The following FGD6 variants were observed in gnomAD, a reference collection of about 807,000 sequenced individuals.
The protein encoded by FGD6 is FYVE, RhoGEF and PH domain-containing protein 6.
A neutral mutation model predicts 149.4 loss-of-function variants in FGD6; 90 were observed. The ratio of observed to expected loss-of-function variants is 0.60; its 90% CI spans 0.51 to 0.72. The LOEUF (loss-of-function observed/expected upper bound fraction) is 0.72. FGD6 is among the 30% of genes least tolerant of loss of function. The pLI is 0.00. For synonymous variants in FGD6, 527 were observed against 584.0 expected (o/e 0.90, Z 1.41); for missense variants, 1,437 against 1,684.8 (o/e 0.85, Z 2.57).
At chr12:95,091,973 T>C (rs1878070146) in intron 16 of FGD6, among the ~76,000 whole-genome samples, 164 bp from the exon 17 acceptor site, 1 of 152,190 alleles carries the variant, frequency 6.6e-6, no homozygotes, top group Non-Finnish European at 1.5e-5. Flanking sequence ...AGGCATATAG[T>C]GAACTAATGC....
chr12:95,195,358 G>A (rs1881709966), intron 2 of FGD6, among the ~76,000 whole-genome samples: 1 of 152,044 alleles, frequency 6.6e-6, no homozygotes, highest in South Asian at 2.1e-4. Context: ...ACTTCACCAG[G>A]TTCTATAACA....
intron 8 of FGD6, among the ~76,000 whole-genome samples, chr12:95,121,481 G>GTGTGTATATATA (rs1491167311): frequency 8.2e-6 from 1 of 121,910 alleles, no homozygotes; most frequent in African/African-American, 3.4e-5. Context: ...ATATATATAT[G>GTGTGTATATATA]TATATATATA....
chr12:95,085,832 T>C lies in FGD6; in HGVS notation c.4055A>G (p.His1352Arg). 3.6e-5 allele frequency: 58 copies of C among 1,613,954 alleles called. No homozygotes were observed. The highest frequency in any genetic ancestry group is 4.8e-5 in the Non-Finnish European group (57 of 1,179,942). The change falls in exon 19 of 21, where the codon CAC becomes CGC. Residue 1352 changes from histidine to arginine, a missense_variant. His to Arg is a conservative substitution (Grantham distance 29). Transcript: ENST00000343958. ...TTTATTTTTTATGACAAACCAAAAGTGTTTCCAGGGTTTTTTATTGCCCTT... is the reference window on the plus strand; with the variant it reads ...TTTATTTTTTATGACAAACCAAAAGCGTTTCCAGGGTTTTTTATTGCCCTT... ...RSKGNKKPWK[H>R]FWFVIKNKVL... is the part of the protein sequence containing the mutation.
intron 2 of FGD6, among the ~76,000 whole-genome samples, chr12:95,203,501 T>C (rs1023591183): frequency 6.6e-6 from 1 of 152,204 alleles, no homozygotes; most frequent in Non-Finnish European, 1.5e-5. Context: ...TTGGTTCAAG[T>C]GTTGCCATGT....
chr12:95,134,046 A>G (rs1879597345), intron 8 of FGD6, among the ~76,000 whole-genome samples: 1 of 152,192 alleles, frequency 6.6e-6, no homozygotes, highest in Non-Finnish European at 1.5e-5. Flanking sequence ...GACTATTATC[A>G]TAAGGAAATA....
intron 6 of FGD6, among the ~76,000 whole-genome samples, chr12:95,139,439 CA>C (rs527269984): frequency 7.3e-4 from 85 of 116,642 alleles, no homozygotes; most frequent in Middle Eastern, 5.2e-3. Flanking sequence ...AAATCTGTCT[CA>C]AAAAAAAAAA....
intron 2 of FGD6, among the ~76,000 whole-genome samples, chr12:95,186,225 CTTCTTTTTTTTTTT>C (rs568004214): frequency 0.41 from 28,955 of 71,096 alleles, 9,184 homozygotes; most frequent in Middle Eastern, 0.58. Context: ...TTATATTCTT[CTTCTTTTTTTTTTT>C]TTTTTTTTTT....
At chr12:95,188,388 T>G (rs999387402) in intron 2 of FGD6, among the ~76,000 whole-genome samples, 4 of 151,926 alleles carry the variant, frequency 2.6e-5, no homozygotes, top group African/African-American at 9.7e-5. Flanking sequence ...CATCCGTGTG[T>G]GTGTGTGTGT....
chr12:95,169,874 A>C (rs1880939354), intron 3 of FGD6, among the ~76,000 whole-genome samples: 1 of 152,150 alleles, frequency 6.6e-6, no homozygotes. Context: ...TAATCCCAGC[A>C]CTTTGGGAGG....
intron 14 of FGD6, among the ~76,000 whole-genome samples, chr12:95,097,580 G>A (rs750120846): frequency 1.5e-4 from 22 of 143,060 alleles, no homozygotes; most frequent in Non-Finnish European, 2.9e-4. Flanking sequence ...TGGTTGCAGT[G>A]AGCTGAGATT....
intron 14 of FGD6, among the ~76,000 whole-genome samples, chr12:95,101,520 A>T (rs1878431003): frequency 6.6e-6 from 1 of 152,120 alleles, no homozygotes; most frequent in African/African-American, 2.4e-5. Flanking sequence ...GTTTTTCACC[A>T]AGGCTCATTT....
chr12:95,094,697 G>A lies in FGD6; in HGVS notation c.3498-3C>T. 6.2e-7 allele frequency: 1 copy of A among 1,606,618 alleles called. No homozygotes were observed. The highest frequency in any genetic ancestry group is 1.3e-5 in the African/African-American group (1 of 74,776). The stretch of plus-strand genomic sequence containing the variant: ...ATTCATCCCTTTCTGTGGCAGAACT[G>A]TTGGGGGCAAAAGGTTTCATCAACC... On this transcript the variant is annotated splice_region_variant and splice_polypyrimidine_tract_variant and intron_variant, in intron 14 of 20. Transcript: ENST00000343958.
intron 5 of FGD6, among the ~76,000 whole-genome samples, chr12:95,148,037 G>A (rs1362285431): frequency 6.6e-6 from 1 of 151,962 alleles, no homozygotes; most frequent in Non-Finnish European, 1.5e-5. Context: ...CAAAACAAAG[G>A]TACTCTGAAC....
At chr12:95,084,369 A>G in intron 20 of FGD6, 129 bp downstream of exon 20, 1 of 745,186 alleles carries the variant, frequency 1.3e-6, no homozygotes, top group Non-Finnish European at 2.0e-6. Flanking sequence ...AATACGTTAA[A>G]TCTTTCTAAT....
At chr12:95,090,854 T>G (rs774895375) in intron 17 of FGD6, among the ~76,000 whole-genome samples, 45 of 152,094 alleles carry the variant, frequency 3.0e-4, no homozygotes, top group Admixed American at 1.1e-3. Flanking sequence ...TCCCAGCACT[T>G]TGGGAGGCTG....
intron 2 of FGD6, chr12:95,189,406 G>A (rs556541330): frequency 6.6e-6 from 1 of 152,442 alleles, no homozygotes; most frequent in South Asian, 2.1e-4. Flanking sequence ...CCAGCACTTT[G>A]GGAAGCCGAT....
At chr12:95,160,019 A>C (rs1056210331) in intron 3 of FGD6, among the ~76,000 whole-genome samples, 3 of 151,316 alleles carry the variant, frequency 2.0e-5, no homozygotes, top group South Asian at 4.2e-4. Flanking sequence ...AAAAAAAAAA[A>C]AACAAAACCA....
intron 2 of FGD6, among the ~76,000 whole-genome samples, chr12:95,182,825 C>G (rs1881323053): frequency 6.6e-6 from 1 of 152,240 alleles, no homozygotes; most frequent in Non-Finnish European, 1.5e-5. Flanking sequence ...GTAATCCCAA[C>G]TACTCGAGAG....
At chr12:95,173,705 T>C (rs970562124) in intron 2 of FGD6, among the ~76,000 whole-genome samples, 10 of 152,038 alleles carry the variant, frequency 6.6e-5, no homozygotes, top group Admixed American at 6.6e-4. Context: ...TCTACAAGAA[T>C]ATCTGCAGAA....
Sources: gnomAD v4.1 joint callset for allele counts (sites outside exome capture counted in the v4.1 genomes callset) on GRCh38, gnomAD v4.1.1 for gene constraint, MANE v1.5 for transcripts, NCBI Gene and HGNC (gene_info 2026-07-23, HGNC 2026-07-21) for gene names.